HDLBP: variants seen among roughly 807,000 people sequenced by gnomAD.
HDLBP encodes high density lipoprotein binding protein.
HDLBP carries 30 observed loss-of-function variants against 137.3 expected under a neutral mutation model. That is an observed-to-expected ratio of 0.22 (90% confidence interval 0.16 to 0.30). The LOEUF is 0.30. Among genes scored for constraint, HDLBP ranks in the 10% least tolerant of loss-of-function variants. The pLI is 1.00. For synonymous variants in HDLBP, 606 were observed against 596.0 expected, an observed-to-expected ratio of 1.02 and a Z score of -0.24; for missense variants, 1,119 against 1,667.3, an observed-to-expected ratio of 0.67 and a Z score of 5.73.
intron 17 of HDLBP, among the ~76,000 whole-genome samples, chr2:241,241,605 C>T (rs1047920875): frequency 2.9e-5 from 2 of 69,004 alleles, no homozygotes; most frequent in Non-Finnish European, 3.0e-5. Flanking sequence ...AAAAAAAAAT[C>T]CACAAAACAG....
rs367684621 is a variant in HDLBP at position 241,233,797 on chromosome 2, C to A, written c.3288+23G>T. 34 of 1,613,808 alleles carry A rather than the reference C, an allele frequency of 2.1e-5. No individual in the cohort carries two copies. The highest frequency in any genetic ancestry group is 1.5e-4 in the Admixed American group (9 of 60,010). ...GGTCAACAAGCACCTCTGCCCCCGA[C>A]ACGCTCCAACCGAGGCTCTCACCTG... is the stretch of plus-strand genomic sequence containing the variant. On this transcript the variant is annotated intron_variant, in intron 24 of 27. Transcript: ENST00000310931. This position sits in a 1 kb window ranked among gnomAD's most constrained non-coding sequence, Gnocchi z 4.3.
intron 1 of HDLBP, among the ~76,000 whole-genome samples, chr2:241,304,347 G>A (rs2075499014): frequency 6.6e-6 from 1 of 152,234 alleles, no homozygotes; most frequent in African/African-American, 2.4e-5. Flanking sequence ...TAGTCCAAGA[G>A]GCTTGTGCAT....
At chr2:241,294,049 C>T (rs2075096393) in intron 1 of HDLBP, among the ~76,000 whole-genome samples, 1 of 152,114 alleles carries the variant, frequency 6.6e-6, no homozygotes, top group African/African-American at 2.4e-5. Flanking sequence ...AGAACACACA[C>T]CCGAGATTAC....
In HDLBP at chr2:241,272,691, C is replaced by CCCGCCCGGCAGCCCGCCCGCCCCGT. The variant is rs1559533558; in HGVS notation, c.-102-4175_-102-4151dup. On this transcript the variant is annotated intron_variant, in intron 1 of 27. Coordinates refer to ENST00000310931, the MANE Select transcript of HDLBP (RefSeq NM_005336.6). This position sits in a 1 kb window ranked among gnomAD's most constrained non-coding sequence, Gnocchi z 5.6. ...CACGTCAGCAGCCACCCCCCACCCC[C>CCCGCCCGGCAGCCCGCCCGCCCCGT]CCGCCCGGCAGCCCGCCCGCCCCGT... is the stretch of plus-strand genomic sequence containing the variant. The CCCGCCCGGCAGCCCGCCCGCCCCGT allele has an allele frequency of 1.5e-5, 11 of 755,982 alleles. No homozygotes were observed. The highest frequency in any genetic ancestry group is 1.8e-5 in the Non-Finnish European group (11 of 625,364). The allele number at this position is 755,982 out of a possible 1,614,324, so 46.8% of individuals were successfully genotyped here.
Position 241,258,961 on chromosome 2 carries a change from A to C in HDLBP, c.451-2155T>G, listed in dbSNP as rs144713979. 7.2e-3 allele frequency among the ~76,000 whole-genome samples: 1,098 copies of C among 152,240 alleles called. 33 individuals are homozygous for C. The South Asian group carries it at 0.074, about 10-fold the overall frequency. On this transcript the variant is annotated intron_variant, in intron 5 of 27. Coordinates refer to ENST00000310931, the MANE Select transcript of HDLBP (RefSeq NM_005336.6). ...AGCCACCCTCTGACCCAGCCATCTC[A>C]CTTCTAGGAATCTATCCCAAGATAC...
chr2:241,234,470 G>T lies in HDLBP; in HGVS notation c.3145-507C>A, dbSNP rs571148579. Among the ~76,000 whole-genome samples, 15 of 152,312 alleles carry T rather than the reference G, an allele frequency of 9.8e-5. 1 individual carries two copies. The South Asian group carries it at 2.9e-3, about 29-fold the overall frequency. On this transcript the variant is annotated intron_variant, in intron 23 of 27. Transcript: ENST00000310931. ...CAGGGGTACACTGACACCATGTGAG[G>T]TTCACGAGCTCCACCCCATTCACCA...
intron 16 of HDLBP, among the ~76,000 whole-genome samples, chr2:241,244,275 G>C (rs1210022318): frequency 6.6e-6 from 1 of 152,140 alleles, no homozygotes; most frequent in African/African-American, 2.4e-5. Context: ...ACAGCAAGGG[G>C]CTAACACAAC....
rs1356192207 is a variant in HDLBP, at chr2:241,239,300, A to G, written c.2610+302T>C. Among the ~76,000 whole-genome samples the G allele has an allele frequency of 6.6e-6, 1 of 151,946 alleles. No individual in the cohort carries two copies. Among genetic ancestry groups the G allele is most frequent in the Non-Finnish European group, 1.5e-5 (1 of 67,986 alleles). On this transcript the variant is annotated intron_variant, in intron 19 of 27. Coordinates refer to ENST00000310931, the MANE Select transcript of HDLBP (RefSeq NM_005336.6). The surrounding 1 kb of genome is among the most constrained non-coding windows in gnomAD (Gnocchi z 4.6). ...ATTTTCATTTTTCCTGATCCCTTAT[A>G]CAGAATGCATTTTCTTTCTTTCTCT...
At chr2:241,273,917 C>CA (rs1252934920) in intron 1 of HDLBP, among the ~76,000 whole-genome samples, 2 of 151,404 alleles carry the variant, frequency 1.3e-5, no homozygotes, top group Non-Finnish European at 2.9e-5. Flanking sequence ...GGGAGGCCTA[C>CA]TATAGTTCAG....
chr2:241,249,783 A>C, intron 12 of HDLBP, 58 bp downstream of exon 12: 2 of 1,509,680 alleles, frequency 1.3e-6, no homozygotes, highest in Non-Finnish European at 8.9e-7. Context: ...TACTCCTTAG[A>C]GGGGGCCAAG....
chr2:241,237,129 GGCAGACCCACT>G, intron 20 of HDLBP, among the ~76,000 whole-genome samples: 1 of 152,192 alleles, frequency 6.6e-6, no homozygotes, highest in Non-Finnish European at 1.5e-5. Flanking sequence ...AGGAACACAG[GGCAGACCCACT>G]GCACAAGTGA....
In HDLBP at chr2:241,240,019, C is replaced by T; in HGVS notation, c.2273G>A (p.Gly758Glu). Residue 758 changes from glycine (G) to glutamate (E), a missense_variant, in exon 18 of 28, where the codon GGA (glycine) becomes GAA (glutamate). Around this residue, in one of 4 missense-constraint regions of HDLBP, gnomAD observed 618 missense variants for 816.7 expected, o/e 0.76. Transcript: ENST00000310931. This position sits in a 1 kb window ranked among gnomAD's most constrained non-coding sequence, Gnocchi z 5.5. ...GKIRKVRDST[G>E]ARVIFPAAED... is the part of the protein sequence containing the mutation. ...AGCCGCAGGGAAGATGACACGTGCT[C>T]CAGTGCTGTCGCGCACCTTGCGAAT... The T allele has an allele frequency of 6.2e-7, 1 of 1,614,198 alleles. No homozygotes were observed. Among genetic ancestry groups the T allele is most frequent in the South Asian group, 1.1e-5 (1 of 91,088 alleles).
At chr2:241,267,717 C>G in intron 2 of HDLBP, 1 of 1,534,512 alleles carries the variant, frequency 6.5e-7, no homozygotes, top group Non-Finnish European at 8.7e-7. Context: ...AGCTGCGTGA[C>G]AGGAAAAAGC....
intron 2 of HDLBP, chr2:241,267,545 C>T: frequency 6.5e-7 from 1 of 1,529,318 alleles, no homozygotes; most frequent in Non-Finnish European, 8.8e-7. Context: ...TAACAGCGAC[C>T]TTGGTTATTC....
At chr2:241,274,783 G>A (rs141926527) in intron 1 of HDLBP, among the ~76,000 whole-genome samples, 11 of 152,278 alleles carry the variant, frequency 7.2e-5, no homozygotes, top group African/African-American at 2.2e-4. Context: ...TAAATAGTTC[G>A]TAGAAGCAAA....
In HDLBP at chr2:241,239,198, ATGGATTCACG is replaced by A. The variant is rs1413581565; in HGVS notation, c.2610+394_2610+403del. The stretch of plus-strand genomic sequence containing the variant: ...AGACCACGTCTTCTCATGACTTCCC[ATGGATTCACG>A]TGGATGCCCTCAAATCGATTTTCTT... On this transcript the variant is annotated intron_variant, in intron 19 of 27. Coordinates refer to ENST00000310931, the MANE Select transcript of HDLBP (RefSeq NM_005336.6). This position sits in a 1 kb window ranked among gnomAD's most constrained non-coding sequence, Gnocchi z 4.6. Among the ~76,000 whole-genome samples the A allele has an allele frequency of 6.6e-6, 1 of 152,186 alleles. No homozygotes were observed. The highest frequency in any genetic ancestry group is 2.4e-5 in the African/African-American group (1 of 41,450).
intron 1 of HDLBP, among the ~76,000 whole-genome samples, chr2:241,281,151 A>T (rs59065053): frequency 0.32 from 48,923 of 151,904 alleles, 8,565 homozygotes; most frequent in East Asian, 0.51. Flanking sequence ...AGGTCGAGAG[A>T]TCGAGATCAG....
intron 1 of HDLBP, chr2:241,273,438 C>T (rs1364112614): frequency 5.0e-6 from 2 of 401,858 alleles, no homozygotes; most frequent in Non-Finnish European, 6.7e-6. Flanking sequence ...GCAAAAGAAC[C>T]GGTGTGTGGC....
At chr2:241,243,301 T>TG (rs1574892640) in intron 16 of HDLBP, among the ~76,000 whole-genome samples, 1 of 152,190 alleles carries the variant, frequency 6.6e-6, no homozygotes, top group East Asian at 1.9e-4. Context: ...CAGCCACTCA[T>TG]ATACTGATAC....
Sources: allele counts gnomAD v4.1 joint callset (sites outside exome capture counted in the v4.1 genomes callset), GRCh38; gene constraint gnomAD v4.1.1; regional missense constraint gnomAD v4.1.1; non-coding constraint Gnocchi (gnomAD v3.1); transcripts MANE v1.5; gene names NCBI Gene and HGNC (gene_info 2026-07-23, HGNC 2026-07-21).